The following EPB41L2 variants were observed in gnomAD, a reference collection of about 807,000 sequenced individuals.
The protein encoded by EPB41L2 is band 4.1-like protein 2.
Under a neutral mutation model 113.0 loss-of-function variants are expected in EPB41L2, and 43 were observed. The ratio of observed to expected loss-of-function variants is 0.38; its 90% CI spans 0.30 to 0.49. The LOEUF is 0.49. Among genes scored for constraint, EPB41L2 ranks in the 20% least tolerant of loss-of-function variants. The pLI, the probability that EPB41L2 is intolerant of heterozygous loss-of-function variation, is 0.95. For synonymous variants in EPB41L2, 442 were observed against 436.7 expected, an observed-to-expected ratio of 1.01 and a Z score of -0.15; for missense variants, 1,147 against 1,223.4, an observed-to-expected ratio of 0.94 and a Z score of 0.93.
At chr6:130,875,528 T>C (rs991749880) in intron 14 of EPB41L2, among the ~76,000 whole-genome samples, 2 of 152,214 alleles carry the variant, frequency 1.3e-5, no homozygotes, top group Non-Finnish European at 2.9e-5. Context: ...TCCTTACACG[T>C]GGATACATTT....
chr6:131,025,563 T>C (rs1790674676), intron 1 of EPB41L2, among the ~76,000 whole-genome samples: 1 of 152,154 alleles, frequency 6.6e-6, no homozygotes, highest in Non-Finnish European at 1.5e-5. Flanking sequence ...TGTGGCTCTG[T>C]CAAAAATTAA....
At chr6:131,023,768 T>TATAG (rs1562754283) in intron 1 of EPB41L2, among the ~76,000 whole-genome samples, 14 of 132,426 alleles carry the variant, frequency 1.1e-4, no homozygotes, top group South Asian at 5.0e-4. Flanking sequence ...TATATAGATA[T>TATAG]ATAGATATAT....
chr6:130,874,082 T>C (rs572535528), intron 14 of EPB41L2, among the ~76,000 whole-genome samples: 1 of 152,162 alleles, frequency 6.6e-6, no homozygotes, highest in African/African-American at 2.4e-5. Context: ...TCAATGTACA[T>C]AATCTCTTAG....
chr6:130,873,042 C>T (rs1484914730), intron 14 of EPB41L2, among the ~76,000 whole-genome samples: 1 of 152,102 alleles, frequency 6.6e-6, no homozygotes, highest in Non-Finnish European at 1.5e-5. Context: ...TTCTGTAAGG[C>T]CTTCCCTCAC....
At chr6:131,034,038 C>A (rs566647729) in intron 1 of EPB41L2, among the ~76,000 whole-genome samples, 1 of 152,142 alleles carries the variant, frequency 6.6e-6, no homozygotes, top group Non-Finnish European at 1.5e-5. Flanking sequence ...CCAACAATTA[C>A]TTGAAGACAT....
intron 3 of EPB41L2, among the ~76,000 whole-genome samples, chr6:130,945,800 C>G (rs905455045): frequency 6.6e-6 from 1 of 152,084 alleles, no homozygotes; most frequent in Non-Finnish European, 1.5e-5. Context: ...ATATCCATGG[C>G]TTCAACTAAA....
intron 12 of EPB41L2, among the ~76,000 whole-genome samples, chr6:130,884,809 A>T (rs563258566): frequency 1.6e-4 from 25 of 152,358 alleles, no homozygotes; most frequent in African/African-American, 6.0e-4. Flanking sequence ...ATTTCAAATC[A>T]TCATAGCTTT....
At chr6:130,884,111 G>C (rs1460498554) in intron 12 of EPB41L2, among the ~76,000 whole-genome samples, 1 of 152,138 alleles carries the variant, frequency 6.6e-6, no homozygotes, top group Non-Finnish European at 1.5e-5. Flanking sequence ...GAGGCAGGTG[G>C]ATCACTTGAG....
intron 8 of EPB41L2, 27 bp downstream of exon 8, chr6:130,899,464 T>C: frequency 6.3e-7 from 1 of 1,586,660 alleles, no homozygotes; most frequent in Non-Finnish European, 8.7e-7. Context: ...ACTACTATGA[T>C]GCTACTCCCC....
chr6:130,995,571 A>G (rs1421590554), intron 1 of EPB41L2, among the ~76,000 whole-genome samples: 1 of 152,172 alleles, frequency 6.6e-6, no homozygotes, highest in Non-Finnish European at 1.5e-5. Flanking sequence ...TGTCTTCAGG[A>G]CCTCCTGGGG....
At chr6:130,861,255 G>A (rs1245251853) in intron 18 of EPB41L2, among the ~76,000 whole-genome samples, 6 of 151,768 alleles carry the variant, frequency 4.0e-5, no homozygotes, top group Non-Finnish European at 8.8e-5. Flanking sequence ...TGTATTTTTA[G>A]TAGAGACAGG....
At chr6:131,005,556 T>G (rs1435917573) in intron 1 of EPB41L2, among the ~76,000 whole-genome samples, 1 of 152,218 alleles carries the variant, frequency 6.6e-6, no homozygotes, top group Non-Finnish European at 1.5e-5. Flanking sequence ...AGCCTTCACA[T>G]GTATAATGTA....
intron 1 of EPB41L2, among the ~76,000 whole-genome samples, chr6:130,956,751 G>A (rs1817574691): frequency 6.6e-6 from 1 of 152,144 alleles, no homozygotes; most frequent in African/African-American, 2.4e-5. Flanking sequence ...GTTCCATATA[G>A]CTAGAACTTA....
chr6:130,908,719 C>A, intron 5 of EPB41L2, 102 bp downstream of exon 5: 1 of 845,344 alleles, frequency 1.2e-6, no homozygotes, highest in South Asian at 2.1e-5. Flanking sequence ...TCTAAGATGG[C>A]ATAAATGCAA....
chr6:130,935,551 A>T (rs1328571756), intron 3 of EPB41L2, among the ~76,000 whole-genome samples: 2 of 152,252 alleles, frequency 1.3e-5, no homozygotes, highest in African/African-American at 2.4e-5. Flanking sequence ...CACCAAAAAA[A>T]TCTGAAATCC....
Position 131,046,633 on chromosome 6 carries a change from C to T in EPB41L2, c.-15+16522G>A, listed in dbSNP as rs570085112. ...TTTCACCTTTCGATGCTACTGTGAACGACAGGCTTCAACAGCTCCTTTTTA... is the reference window on the plus strand; with the variant it reads ...TTTCACCTTTCGATGCTACTGTGAATGACAGGCTTCAACAGCTCCTTTTTA... On this transcript the variant is annotated intron_variant, in intron 1 of 19. Coordinates refer to ENST00000337057, the MANE Select transcript of EPB41L2 (RefSeq NM_001431.4). Among the ~76,000 whole-genome samples the T allele has an allele frequency of 8.5e-5, 13 of 152,262 alleles. No individual in the cohort carries two copies. In the South Asian group the frequency reaches 1.7e-3, roughly 19 times the overall value.
intron 4 of EPB41L2, among the ~76,000 whole-genome samples, chr6:130,911,847 T>C (rs1799500373): frequency 6.6e-6 from 1 of 152,056 alleles, no homozygotes; most frequent in Non-Finnish European, 1.5e-5. Context: ...AATAAATGAG[T>C]CTAATTAAGT....
intron 1 of EPB41L2, among the ~76,000 whole-genome samples, chr6:130,967,866 C>T (rs1775721468): frequency 6.6e-6 from 1 of 152,144 alleles, no homozygotes; most frequent in African/African-American, 2.4e-5. Context: ...ATTTAGGGAA[C>T]ATTTATTTGG....
At chr6:130,895,428 G>C (rs545230308) in intron 8 of EPB41L2, among the ~76,000 whole-genome samples, 1 of 152,178 alleles carries the variant, frequency 6.6e-6, no homozygotes, top group African/African-American at 2.4e-5. Flanking sequence ...AGAGAAGAAA[G>C]GAAGCAGAAC....
Sources: gnomAD v4.1 joint callset for allele counts (sites outside exome capture counted in the v4.1 genomes callset) on GRCh38, gnomAD v4.1.1 for gene constraint, MANE v1.5 for transcripts, NCBI Gene and HGNC (gene_info 2026-07-23, HGNC 2026-07-21) for gene names.